Variants in TRPM8 observed in about 807,000 individuals in gnomAD.
TRPM8 encodes the protein TRPM8 cationic channel.
In TRPM8, 110 loss-of-function variants were observed where a neutral mutation model predicts 133.7. The ratio of observed to expected loss-of-function variants is 0.82; its 90% confidence interval spans 0.70 to 0.96. The LOEUF (loss-of-function observed/expected upper bound fraction) is 0.96, where lower values mean the gene tolerates loss of function less well. Among genes scored for constraint, TRPM8 ranks in the 40% least tolerant of loss-of-function variants. The pLI is 0.00. For missense variants in TRPM8, 1,291 were observed against 1,379.5 expected, an observed-to-expected ratio of 0.94 and a Z score of 1.02; for synonymous variants, 535 against 532.3, an observed-to-expected ratio of 1.01 and a Z score of -0.07.
chr2:233,972,243 C>G (rs180787622), intron 17 of TRPM8, among the ~76,000 whole-genome samples: 167 of 140,210 alleles, frequency 1.2e-3, no homozygotes, highest in African/African-American at 1.6e-3. Flanking sequence ...TACAGAGTGT[C>G]GACTGGTGCA....
intron 23 of TRPM8, 61 bp downstream of exon 23, chr2:234,007,013 C>T (rs1692711892): frequency 6.2e-6 from 8 of 1,286,690 alleles, no homozygotes; most frequent in African/African-American, 1.5e-5. Context: ...GCCCATAGAA[C>T]GTAGGCAGCT....
At position 233,947,157 on chromosome 2, in the gene TRPM8, T is replaced by C. The variant is rs550022853; in HGVS notation, c.942+2T>C. 6.2e-7 allele frequency: 1 copy of C among 1,613,968 alleles called. No homozygotes were observed. The highest frequency in any genetic ancestry group is 8.5e-7 in the Non-Finnish European group (1 of 1,179,824). On this transcript the variant is annotated splice_donor_variant, in intron 8 of 25. Transcript: ENST00000324695. LOFTEE classifies it high-confidence loss of function. ...GGAGGTGGAAAAGAGACTTTGAAAG[T>C]GAGTCCTGATTTAGTTTTCTAGAAG...
chr2:233,923,525 T>C (rs1330941369), intron 1 of TRPM8, among the ~76,000 whole-genome samples: 4 of 152,190 alleles, frequency 2.6e-5, no homozygotes, highest in Non-Finnish European at 5.9e-5. Context: ...GCCTGCCCAA[T>C]GCTGCCGGCA....
chr2:233,921,457 A>G (rs1417285584), intron 1 of TRPM8, among the ~76,000 whole-genome samples: 1 of 152,060 alleles, frequency 6.6e-6, no homozygotes, highest in Admixed American at 6.5e-5. Flanking sequence ...ACCTAAAATA[A>G]TCAAAAGGCT....
chr2:234,008,981 T>C (rs1227660308), intron 24 of TRPM8, among the ~76,000 whole-genome samples: 1 of 152,122 alleles, frequency 6.6e-6, no homozygotes, highest in Non-Finnish European at 1.5e-5. Context: ...GAACGATGGG[T>C]TGTTGTAAGC....
chr2:234,015,831 T>C (rs1692943820), intron 25 of TRPM8, among the ~76,000 whole-genome samples: 1 of 152,250 alleles, frequency 6.6e-6, no homozygotes, highest in Non-Finnish European at 1.5e-5. Flanking sequence ...GAAAACACTA[T>C]TAAACCTTAT....
At chr2:233,957,785 G>A (rs17863851) in intron 11 of TRPM8, among the ~76,000 whole-genome samples, 20,414 of 152,060 alleles carry the variant, frequency 0.13, 1,580 homozygotes, top group Admixed American at 0.19. Flanking sequence ...GAAACTTGGC[G>A]ACAATGGGAG....
At chr2:233,938,578 G>A (rs1397123729) in intron 4 of TRPM8, among the ~76,000 whole-genome samples, 1 of 152,194 alleles carries the variant, frequency 6.6e-6, no homozygotes, top group African/African-American at 2.4e-5. Flanking sequence ...GACAACTCAC[G>A]AAGCAAAGGC....
At chr2:233,923,830 A>G (rs1463022346) in intron 1 of TRPM8, among the ~76,000 whole-genome samples, 1 of 152,196 alleles carries the variant, frequency 6.6e-6, no homozygotes, top group African/African-American at 2.4e-5. Flanking sequence ...CCAGAGCTGG[A>G]AAAAAACAAA....
intron 22 of TRPM8, among the ~76,000 whole-genome samples, chr2:234,005,821 G>C (rs894806010): frequency 8.6e-5 from 13 of 151,970 alleles, no homozygotes; most frequent in Non-Finnish European, 1.9e-4. Flanking sequence ...TGAGGCAGGA[G>C]AATCGCTTGA....
intron 25 of TRPM8, among the ~76,000 whole-genome samples, chr2:234,017,086 C>T: frequency 6.6e-6 from 1 of 150,412 alleles, no homozygotes; most frequent in Non-Finnish European, 1.5e-5. Flanking sequence ...AGTCACGCAG[C>T]TCACACCGAT....
chr2:234,001,657 C>T (rs1470469241), intron 22 of TRPM8, among the ~76,000 whole-genome samples: 1 of 152,224 alleles, frequency 6.6e-6, no homozygotes, highest in Non-Finnish European at 1.5e-5. Flanking sequence ...GAGCACCCCC[C>T]CTTAGCACCT....
In TRPM8 at chr2:233,983,060, A is replaced by G; in HGVS notation, c.2597A>G (p.Asp866Gly). The G allele has an allele frequency of 1.2e-6, 2 of 1,612,558 alleles. No homozygotes were observed. The highest frequency in any genetic ancestry group is 1.7e-6 in the Non-Finnish European group (2 of 1,178,714). The change falls in exon 20 of 26, where the codon GAT (aspartate) becomes GGT (glycine). Residue 866 changes from aspartate to glycine, a missense_variant. Around this residue, in one of 2 missense-constraint regions of TRPM8, gnomAD observed 328 missense variants for 410.6 expected, o/e 0.80. Transcript: ENST00000324695. ...CCTGTCCTCCCCTGACAGCTGATCG[A>G]TGTGTTCTTCTTCCTGTTCCTCTTT... is the stretch of plus-strand genomic sequence containing the variant. ...KIIMLQRMLI[D>G]VFFFLFLFAV...
At chr2:233,997,080 C>G (rs1213272673) in intron 22 of TRPM8, among the ~76,000 whole-genome samples, 2 of 152,134 alleles carry the variant, frequency 1.3e-5, no homozygotes, top group African/African-American at 4.8e-5. Context: ...GCCTGGGCAA[C>G]ACGGTGAAAC....
chr2:234,008,511 C>T (rs909608424), intron 24 of TRPM8, among the ~76,000 whole-genome samples: 5 of 152,202 alleles, frequency 3.3e-5, no homozygotes, highest in African/African-American at 1.2e-4. Context: ...ATTGGAAATG[C>T]GTGAGTACGC....
intron 22 of TRPM8, among the ~76,000 whole-genome samples, chr2:233,997,070 G>T (rs932280536): frequency 6.6e-6 from 1 of 152,140 alleles, no homozygotes; most frequent in African/African-American, 2.4e-5. Context: ...TTTGTGACCA[G>T]CCTGGGCAAC....
intron 21 of TRPM8, among the ~76,000 whole-genome samples, chr2:233,991,312 C>T (rs1692270304): frequency 6.6e-6 from 1 of 152,160 alleles, no homozygotes; most frequent in Non-Finnish European, 1.5e-5. Flanking sequence ...TTATCAATTC[C>T]AAAATCAGTG....
intron 2 of TRPM8, among the ~76,000 whole-genome samples, chr2:233,927,491 C>T (rs1691542521): frequency 1.3e-5 from 2 of 152,182 alleles, no homozygotes; most frequent in Non-Finnish European, 2.9e-5. Flanking sequence ...CACTTGCATG[C>T]CTTGGGGGAC....
chr2:234,007,247 G>A (rs542575186), intron 23 of TRPM8, among the ~76,000 whole-genome samples: 4 of 152,272 alleles, frequency 2.6e-5, no homozygotes, highest in Non-Finnish European at 5.9e-5. Flanking sequence ...CAAGAGGGTG[G>A]GTCCCCTGCT....
Sources: allele counts gnomAD v4.1 joint callset (sites outside exome capture counted in the v4.1 genomes callset), GRCh38; gene constraint gnomAD v4.1.1; regional missense constraint gnomAD v4.1.1; transcripts MANE v1.5; gene names NCBI Gene and HGNC (gene_info 2026-07-23, HGNC 2026-07-21).